The following SLC66A2 variants were observed in gnomAD, a reference collection of about 807,000 sequenced individuals.
SLC66A2 encodes the protein PQ loop repeat containing 1.
Under a neutral mutation model 25.5 loss-of-function variants are expected in SLC66A2, and 23 were observed. That is an observed-to-expected ratio of 0.90 (90% CI 0.65 to 1.28). The LOEUF (loss-of-function observed/expected upper bound fraction) is 1.28, where lower values mean the gene tolerates loss of function less well. Ranked by LOEUF, SLC66A2 falls within the 50% of genes most tolerant of loss-of-function variation. The pLI, the probability that SLC66A2 is intolerant of heterozygous loss-of-function variation, is 0.00. For missense variants in SLC66A2, 396 were observed against 373.1 expected (o/e 1.06, Z -0.51); for synonymous variants, 193 against 166.5 (o/e 1.16, Z -1.23).
intron 3 of SLC66A2, 65 bp from the exon 4 acceptor site, chr18:79,934,087 A>G (rs903864357): frequency 1.6e-6 from 2 of 1,264,380 alleles, no homozygotes; most frequent in African/African-American, 1.5e-5. Context: ...TGGTTTTAAC[A>G]TGGGTAAACA....
intron 4 of SLC66A2, among the ~76,000 whole-genome samples, chr18:79,933,556 C>A (rs527720493): frequency 6.6e-6 from 1 of 152,176 alleles, no homozygotes; most frequent in Admixed American, 6.5e-5. Context: ...GATACAAGAT[C>A]AACATGCAAT....
intron 5 of SLC66A2, among the ~76,000 whole-genome samples, chr18:79,908,756 T>TCTCTC (rs1982501520): frequency 6.6e-6 from 1 of 152,256 alleles, no homozygotes; most frequent in South Asian, 2.1e-4. Context: ...TCAACTTCAC[T>TCTCTC]ATTTCCTCTC....
Position 79,919,412 on chromosome 18 carries a change from G to A in SLC66A2, c.392-12C>T. 1 of 1,610,160 alleles carries A rather than the reference G, an allele frequency of 6.2e-7. No individual in the cohort carries two copies. Among genetic ancestry groups the A allele is most frequent in the Non-Finnish European group, 8.5e-7 (1 of 1,177,972 alleles). On this transcript the variant is annotated splice_polypyrimidine_tract_variant and intron_variant, in intron 4 of 5. Transcript: ENST00000397778. ...GTGGGGGTCGAAGTCTAGGGCGAGA[G>A]GGAGAAGCAGCCTCAGCACAGCTTA...
chr18:79,922,900 C>T (rs1231380756), intron 4 of SLC66A2, among the ~76,000 whole-genome samples: 24 of 106,628 alleles, frequency 2.3e-4, no homozygotes, highest in African/African-American at 2.3e-4. Flanking sequence ...CCAGGGGTGT[C>T]GGGGGCCGGC....
rs1387136039 is a variant in SLC66A2 at position 79,903,714 on chromosome 18, C to G, written c.*262G>C. ...TTCATAAGAGGAAATGGGGAAAACA[C>G]TTGCTTTTTATGTCATCCTAAAAAC... On this transcript the variant is annotated 3_prime_UTR_variant, in exon 6 of 6. Coordinates refer to ENST00000397778, the MANE Select transcript of SLC66A2 (RefSeq NM_025078.5). The G allele has an allele frequency of 5.9e-6, 3 of 507,570 alleles. No homozygotes were observed. Among genetic ancestry groups the G allele is most frequent in the Non-Finnish European group, 1.0e-5 (3 of 291,356 alleles). The allele number at this position is 507,570 out of a possible 1,614,324, so 31.4% of individuals were successfully genotyped here. A position where few individuals can be genotyped will look rare whatever the true frequency, so the allele number is the denominator to read the frequency against.
At chr18:79,942,244 G>A (rs1987738728) in intron 3 of SLC66A2, among the ~76,000 whole-genome samples, 1 of 152,218 alleles carries the variant, frequency 6.6e-6, no homozygotes, top group African/African-American at 2.4e-5. Flanking sequence ...AGACTCAGAG[G>A]AGAGGAGAAT....
chr18:79,936,184 G>A (rs546014050), intron 3 of SLC66A2, among the ~76,000 whole-genome samples: 1 of 152,334 alleles, frequency 6.6e-6, no homozygotes, highest in South Asian at 2.1e-4. Flanking sequence ...TATGGGGAGT[G>A]CAGGGGTGAT....
chr18:79,927,446 C>T lies in SLC66A2; in HGVS notation c.391+6523G>A, dbSNP rs1053112547. On this transcript the variant is annotated intron_variant, in intron 4 of 5. Coordinates refer to ENST00000397778, the MANE Select transcript of SLC66A2 (RefSeq NM_025078.5). This position sits in a 1 kb window ranked among gnomAD's most constrained non-coding sequence, Gnocchi z 6.2. ...TTTACTTTATCCTAAGGATCAGGGA[C>T]GCAAAAGGATTTTAACAAAGACGGC... 1.1e-4 allele frequency among the ~76,000 whole-genome samples: 16 copies of T among 152,322 alleles called. No individual in the cohort carries two copies. Among genetic ancestry groups the T allele is most frequent in the African/African-American group, 3.6e-4 (15 of 41,570 alleles).
At chr18:79,908,181 T>A (rs1047781479) in intron 5 of SLC66A2, among the ~76,000 whole-genome samples, 4 of 152,190 alleles carry the variant, frequency 2.6e-5, no homozygotes, top group Admixed American at 6.5e-5. Flanking sequence ...TTTCCTTCAT[T>A]CCTGGAGTCC....
chr18:79,928,392 CCTT>C (rs1568319954), intron 4 of SLC66A2, among the ~76,000 whole-genome samples: 2 of 152,194 alleles, frequency 1.3e-5, no homozygotes, highest in East Asian at 1.9e-4. Flanking sequence ...CAGCCTGAAA[CCTT>C]CTTCATGCTT....
chr18:79,940,317 C>A lies in SLC66A2; in HGVS notation c.337+3012G>T, dbSNP rs921443469. On this transcript the variant is annotated intron_variant, in intron 3 of 5. Transcript: ENST00000397778. This position sits in a 1 kb window ranked among gnomAD's most constrained non-coding sequence, Gnocchi z 4.1. ...TACCTGGGTGATGAAATAATCTGCA[C>A]ACTGGCCGGGCGCAGTGGGTCACGC... Among the ~76,000 whole-genome samples the A allele has an allele frequency of 1.3e-5, 2 of 152,092 alleles. No homozygotes were observed. The highest frequency in any genetic ancestry group is 4.8e-5 in the African/African-American group (2 of 41,408).
At chr18:79,925,402 G>A (rs965208738) in intron 4 of SLC66A2, among the ~76,000 whole-genome samples, 5 of 152,238 alleles carry the variant, frequency 3.3e-5, no homozygotes, top group African/African-American at 4.8e-5. Context: ...CTCACACGCC[G>A]TGACTTCCCG....
chr18:79,949,059 C>T (rs1185042628), intron 2 of SLC66A2, among the ~76,000 whole-genome samples: 2 of 152,172 alleles, frequency 1.3e-5, no homozygotes, highest in Non-Finnish European at 2.9e-5. Flanking sequence ...AGACAAACCT[C>T]GAGACGGGAC....
At chr18:79,911,165 G>A (rs1281212804) in intron 5 of SLC66A2, among the ~76,000 whole-genome samples, 1 of 152,232 alleles carries the variant, frequency 6.6e-6, no homozygotes, top group Non-Finnish European at 1.5e-5. Flanking sequence ...CCACTCCTGA[G>A]GCCCCAACCA....
chr18:79,906,602 TTC>T (rs1028241704), intron 5 of SLC66A2, among the ~76,000 whole-genome samples: 3 of 152,272 alleles, frequency 2.0e-5, no homozygotes, highest in African/African-American at 7.2e-5. Context: ...ACAATTTCAG[TTC>T]TTTTTTAAAA....
chr18:79,933,955 C>G lies in SLC66A2; in HGVS notation c.391+14G>C, dbSNP rs775323565. ...AGGAACGTGCTGCGGACAGTGCACG[C>G]GCAGGGTACATACCCAGGAAGGACC... is the stretch of plus-strand genomic sequence containing the variant. On this transcript the variant is annotated intron_variant, in intron 4 of 5. Coordinates refer to ENST00000397778, the MANE Select transcript of SLC66A2 (RefSeq NM_025078.5). 6.2e-7 allele frequency: 1 copy of G among 1,609,364 alleles called. No homozygotes were observed. Among genetic ancestry groups the G allele is most frequent in the Admixed American group, 1.7e-5 (1 of 59,530 alleles).
chr18:79,904,153 A>G lies in SLC66A2; in HGVS notation c.639T>C (p.Gly213=), dbSNP rs1981654193. 5 of 1,612,946 alleles carry G rather than the reference A, an allele frequency of 3.1e-6. No individual in the cohort carries two copies. Among genetic ancestry groups the G allele is most frequent in the Non-Finnish European group, 4.2e-6 (5 of 1,179,796 alleles). The stretch of plus-strand genomic sequence containing the variant: ...GGAAGTAGGCCGTCTTGAAGGCGTC[A>G]CCACTGGTCCACATGAGCACCATCT... ...SIKMVLMWTS[G]DAFKTAYFLL... The change falls in exon 6 of 6, where the codon GGT becomes GGC. Residue 213 remains glycine, a synonymous_variant. Transcript: ENST00000397778. This position sits in a 1 kb window ranked among gnomAD's most constrained non-coding sequence, Gnocchi z 6.3.
chr18:79,928,390 A>G (rs1205916278), intron 4 of SLC66A2, among the ~76,000 whole-genome samples: 1 of 152,188 alleles, frequency 6.6e-6, no homozygotes, highest in African/African-American at 2.4e-5. Context: ...GCCAGCCTGA[A>G]ACCTTCTTCA....
rs60292318 is a variant in SLC66A2 at position 79,932,518 on chromosome 18, A to T, written c.391+1451T>A. Among the ~76,000 whole-genome samples, 1,466 of 152,242 alleles carry T rather than the reference A, an allele frequency of 9.6e-3. 24 individuals carry two copies. Among genetic ancestry groups the T allele is most frequent in the African/African-American group, 0.033 (1,369 of 41,570 alleles). On this transcript the variant is annotated intron_variant, in intron 4 of 5. Coordinates refer to ENST00000397778, the MANE Select transcript of SLC66A2 (RefSeq NM_025078.5). Reference sequence around the variant, plus strand: ...AAGAAAAGAAAAAGAAACACCTTTTAAAAAGTTGGTTATTTGACCAGAACA... The same window carrying T: ...AAGAAAAGAAAAAGAAACACCTTTTTAAAAGTTGGTTATTTGACCAGAACA...
Sources: allele counts gnomAD v4.1 joint callset (sites outside exome capture counted in the v4.1 genomes callset), GRCh38; gene constraint gnomAD v4.1.1; non-coding constraint Gnocchi (gnomAD v3.1); transcripts MANE v1.5; gene names NCBI Gene and HGNC (gene_info 2026-07-23, HGNC 2026-07-21).